Variants in SLC37A3 observed in about 807,000 individuals in gnomAD.
SLC37A3 encodes sugar phosphate exchanger 3.
SLC37A3 carries 51 observed loss-of-function variants against 67.1 expected under a neutral mutation model. That is an observed-to-expected ratio of 0.76 (90% CI 0.61 to 0.96). The LOEUF is 0.96. Among genes scored for constraint, SLC37A3 ranks in the 40% least tolerant of loss-of-function variants. The pLI is 0.00. For synonymous variants in SLC37A3, 214 were observed against 231.4 expected (o/e 0.92, Z 0.68); for missense variants, 508 against 603.0 (o/e 0.84, Z 1.65).
chr7:140,345,758 T>C, intron 11 of SLC37A3, 111 bp downstream of exon 11: 1 of 821,808 alleles, frequency 1.2e-6, no homozygotes, highest in Non-Finnish European at 2.1e-6. Context: ...TATCGGGCCT[T>C]GAAGCTGGTC....
chr7:140,338,506 C>G (rs1223013932), intron 13 of SLC37A3, among the ~76,000 whole-genome samples: 1 of 152,162 alleles, frequency 6.6e-6, no homozygotes, highest in Non-Finnish European at 1.5e-5. Flanking sequence ...GAGTCTCGCT[C>G]TGTCACCTAG....
At chr7:140,354,267 T>C (rs985733130) in intron 7 of SLC37A3, among the ~76,000 whole-genome samples, 2 of 152,242 alleles carry the variant, frequency 1.3e-5, no homozygotes, top group Non-Finnish European at 2.9e-5. Flanking sequence ...AACTACTCAG[T>C]GTGCGTAGTT....
At position 140,362,909 on chromosome 7, in the gene SLC37A3, G is replaced by A. The variant is rs1282205484; in HGVS notation, c.375+1499C>T. ...CCCGTCCGGGAGGGAGGCGGGGGGGGGGGTCGGCCAGCCGCCCTGTCCGGG... is the reference window on the plus strand; with the variant it reads ...CCCGTCCGGGAGGGAGGCGGGGGGGAGGGTCGGCCAGCCGCCCTGTCCGGG... On this transcript the variant is annotated intron_variant, in intron 5 of 14. Transcript: ENST00000326232. Among the ~76,000 whole-genome samples the A allele has an allele frequency of 2.2e-4, 13 of 58,826 alleles. 3 individuals are homozygous for A. The highest frequency in any genetic ancestry group is 7.3e-5 in the Non-Finnish European group (2 of 27,490). 38.6% of individuals were successfully genotyped at this position (58,826 alleles called of 152,430 possible). A position where few individuals can be genotyped will look rare whatever the true frequency, so the allele number is the denominator to read the frequency against.
chr7:140,377,951 G>A (rs898186049), intron 3 of SLC37A3, among the ~76,000 whole-genome samples: 4 of 152,064 alleles, frequency 2.6e-5, no homozygotes, highest in South Asian at 2.1e-4. Context: ...ACGCCAGGCC[G>A]GCCTCTTCCC....
At chr7:140,384,086 A>C (rs1798356574) in intron 1 of SLC37A3, among the ~76,000 whole-genome samples, 2 of 152,242 alleles carry the variant, frequency 1.3e-5, no homozygotes, top group East Asian at 3.8e-4. Context: ...TCCAGTTATG[A>C]GTCTGCAGAA....
intron 10 of SLC37A3, 64 bp from the exon 11 acceptor site, chr7:140,346,034 TC>T: frequency 8.4e-7 from 1 of 1,192,446 alleles, no homozygotes; most frequent in Non-Finnish European, 1.3e-6. Flanking sequence ...TGAGGCGTGC[TC>T]CCCATTTGCC....
rs767750739 is a variant in SLC37A3, at chr7:140,345,210, C to A, written c.1174+6G>T. 1 of 1,612,526 alleles carries A rather than the reference C, an allele frequency of 6.2e-7. No homozygotes were observed. The highest frequency in any genetic ancestry group is 1.1e-5 in the South Asian group (1 of 91,024). On this transcript the variant is annotated splice_donor_region_variant and intron_variant, in intron 12 of 14. Transcript: ENST00000326232. ...AAGCATGGTGGAGCAGAGCCATGTG[C>A]CGTACCTGTAACAGTCATCAGAAGG...
chr7:140,388,259 C>A lies in SLC37A3; in HGVS notation c.-70-5663G>T, dbSNP rs555448591. Among the ~76,000 whole-genome samples, 5 of 151,490 alleles carry A rather than the reference C, an allele frequency of 3.3e-5. 1 individual carries two copies. The highest frequency in any genetic ancestry group is 1.2e-4 in the African/African-American group (5 of 41,270). ...ACCAGCCTGGGAAACATGGCAAAACCCCGTTTCCAGAAAAAATACAAAAAG... is the reference window on the plus strand; with the variant it reads ...ACCAGCCTGGGAAACATGGCAAAACACCGTTTCCAGAAAAAATACAAAAAG... On this transcript the variant is annotated intron_variant, in intron 1 of 14. Transcript: ENST00000326232.
At chr7:140,362,437 C>T (rs1797365616) in intron 5 of SLC37A3, among the ~76,000 whole-genome samples, 1 of 147,246 alleles carries the variant, frequency 6.8e-6, no homozygotes, top group African/African-American at 2.5e-5. Context: ...GGGTCAGCCC[C>T]CCGCCCGGCC....
At chr7:140,369,509 C>G in intron 4 of SLC37A3, 81 bp downstream of exon 4, 1 of 1,122,830 alleles carries the variant, frequency 8.9e-7, no homozygotes, top group Non-Finnish European at 1.3e-6. Flanking sequence ...AATTCAAAAT[C>G]CCTTACAAAT....
intron 1 of SLC37A3, among the ~76,000 whole-genome samples, chr7:140,392,709 A>G (rs1585384964): frequency 6.6e-6 from 1 of 152,282 alleles, no homozygotes; most frequent in Admixed American, 6.5e-5. Context: ...ATGGAGGAGG[A>G]GCCTGCCTGA....
At chr7:140,387,502 C>A (rs1041228860) in intron 1 of SLC37A3, among the ~76,000 whole-genome samples, 14 of 149,166 alleles carry the variant, frequency 9.4e-5, no homozygotes, top group African/African-American at 3.2e-4. Flanking sequence ...GTAATCCCAG[C>A]TACTCGGGAG....
chr7:140,395,657 G>A (rs554217535), intron 1 of SLC37A3, among the ~76,000 whole-genome samples: 310 of 152,068 alleles, frequency 2.0e-3, no homozygotes, highest in Non-Finnish European at 2.7e-3. Flanking sequence ...GCAGTGAACC[G>A]AGATCCCCCT....
chr7:140,348,113 C>T (rs561806980), intron 10 of SLC37A3, among the ~76,000 whole-genome samples: 2 of 152,112 alleles, frequency 1.3e-5, no homozygotes, highest in East Asian at 1.9e-4. Context: ...TCTTATTGTA[C>T]GGTATTAAGA....
intron 2 of SLC37A3, among the ~76,000 whole-genome samples, chr7:140,381,537 A>T (rs1489957475): frequency 6.6e-6 from 1 of 151,804 alleles, no homozygotes; most frequent in African/African-American, 2.4e-5. Context: ...ATAAATAAAT[A>T]AATAATCATT....
rs561806980 is a variant in SLC37A3, at chr7:140,348,113, C to A, written c.1024+513G>T. On this transcript the variant is annotated intron_variant, in intron 10 of 14. Coordinates refer to ENST00000326232, the MANE Select transcript of SLC37A3 (RefSeq NM_207113.3). The stretch of plus-strand genomic sequence containing the variant: ...GTCTCTCTGAAAATATCTTATTGTA[C>A]GGTATTAAGAGTAACTGAAACTTCG... 2.0e-5 allele frequency among the ~76,000 whole-genome samples: 3 copies of A among 152,112 alleles called. No individual in the cohort carries two copies. In the East Asian group the frequency reaches 5.8e-4, roughly 29 times the overall value.
chr7:140,345,410 C>A, intron 11 of SLC37A3, 147 bp from the exon 12 acceptor site: 1 of 648,420 alleles, frequency 1.5e-6, no homozygotes, highest in Non-Finnish European at 2.8e-6. Context: ...CTGCCTCTTT[C>A]AACTCTGATT....
chr7:140,358,848 C>G, intron 5 of SLC37A3, 63 bp from the exon 6 acceptor site: 1 of 1,595,304 alleles, frequency 6.3e-7, no homozygotes, highest in South Asian at 1.1e-5. Flanking sequence ...GTGGACGCCA[C>G]TCTACCCACT....
At chr7:140,362,955 C>T (rs540068909) in intron 5 of SLC37A3, among the ~76,000 whole-genome samples, 1,507 of 86,184 alleles carry the variant, frequency 0.017, 387 homozygotes, top group Non-Finnish European at 0.026. Context: ...CGGGGTCAGC[C>T]CCCCGCCCAG....
Sources: allele counts gnomAD v4.1 joint callset (sites outside exome capture counted in the v4.1 genomes callset), GRCh38; gene constraint gnomAD v4.1.1; transcripts MANE v1.5; gene names NCBI Gene and HGNC (gene_info 2026-07-23, HGNC 2026-07-21).